The following MARCO variants were observed in gnomAD, a reference collection of about 807,000 sequenced individuals.
The protein encoded by MARCO is macrophage receptor with collagenous structure.
In MARCO, 72 loss-of-function variants were observed where a neutral mutation model predicts 70.0. The ratio of observed to expected loss-of-function variants is 1.03; its 90% CI spans 0.85 to 1.25. The LOEUF (loss-of-function observed/expected upper bound fraction) is 1.25. Ranked by LOEUF, MARCO falls within the 50% of genes most tolerant of loss-of-function variation. The pLI is 0.00. For missense variants in MARCO, 696 were observed against 659.3 expected, an observed-to-expected ratio of 1.06 and a Z score of -0.61; for synonymous variants, 273 against 243.1, an observed-to-expected ratio of 1.12 and a Z score of -1.14.
At chr2:118,954,441 A>G (rs560643309) in intron 1 of MARCO, among the ~76,000 whole-genome samples, 2 of 152,288 alleles carry the variant, frequency 1.3e-5, no homozygotes, top group African/African-American at 4.8e-5. Flanking sequence ...CTGAGATCAT[A>G]CATGCCTAGT....
intron 8 of MARCO, among the ~76,000 whole-genome samples, chr2:118,981,124 T>C (rs866412461): frequency 3.9e-5 from 6 of 152,214 alleles, no homozygotes; most frequent in African/African-American, 1.2e-4. Context: ...CAGACAGTGC[T>C]GGCTGAGCCT....
In MARCO at chr2:118,990,562, C is replaced by T. The variant is rs750659123; in HGVS notation, c.1064-27C>T. 30 of 1,496,572 alleles carry T rather than the reference C, an allele frequency of 2.0e-5. No individual in the cohort carries two copies. The South Asian group carries it at 2.9e-4, about 15-fold the overall frequency. The allele number at this position is 1,496,572 out of a possible 1,614,324, so 92.7% of individuals were successfully genotyped here. A position where few individuals can be genotyped will look rare whatever the true frequency, so the allele number is the denominator to read the frequency against. ...ATACCTAAGTTTTATTATCTCCTCC[C>T]CCCCCCCTTTTTTGTTTTGATCTTA... On this transcript the variant is annotated intron_variant, in intron 12 of 16. Transcript: ENST00000327097.
chr2:118,952,608 C>T (rs909231234), intron 1 of MARCO: 1 of 152,190 alleles, frequency 6.6e-6, no homozygotes, highest in South Asian at 2.1e-4. Flanking sequence ...GTGGCTTTGC[C>T]TTCCTTGGTC....
chr2:118,961,688 A>G (rs1001638875), intron 1 of MARCO, among the ~76,000 whole-genome samples: 1 of 152,130 alleles, frequency 6.6e-6, no homozygotes, highest in African/African-American at 2.4e-5. Context: ...CTCTGATGAT[A>G]GTGTCTTTTG....
chr2:118,986,288 G>A (rs1027188408), intron 12 of MARCO, among the ~76,000 whole-genome samples: 1 of 152,062 alleles, frequency 6.6e-6, no homozygotes, highest in Non-Finnish European at 1.5e-5. Context: ...TAGCCTCCAA[G>A]TTGGCATGGT....
Position 118,981,412 on chromosome 2 carries a change from G to A in MARCO, c.770G>A (p.Ser257Asn). 6.2e-7 allele frequency: 1 copy of A among 1,600,624 alleles called. No homozygotes were observed. Among genetic ancestry groups the A allele is most frequent in the Middle Eastern group, 1.8e-4 (1 of 5,598 alleles). The part of the protein sequence containing the change: ...GEKGDLGLPG[S>N]KGDRGMKGDA... ...CCAAGACTTTTTGGTTTTTCAGGAA[G>A]CAAAGGGGACAGGGGCATGAAAGGA... Residue 257 changes from serine (S) to asparagine (N), a missense_variant, in exon 9 of 17, where the codon AGC becomes AAC. Ser to Asn is a conservative substitution (Grantham distance 46, BLOSUM62 1). Transcript: ENST00000327097.
chr2:118,990,147 G>C (rs551164809), intron 12 of MARCO, among the ~76,000 whole-genome samples: 38 of 152,338 alleles, frequency 2.5e-4, no homozygotes, highest in African/African-American at 8.7e-4. Context: ...TACTTGAAGA[G>C]CATCTACTAT....
intron 1 of MARCO, among the ~76,000 whole-genome samples, chr2:118,958,865 A>T (rs1310295909): frequency 1.3e-5 from 2 of 149,062 alleles, no homozygotes; most frequent in Non-Finnish European, 3.0e-5. Flanking sequence ...TACTTAAAGC[A>T]AACAAAAATA....
intron 15 of MARCO, among the ~76,000 whole-genome samples, 191 bp downstream of exon 15, chr2:118,992,667 C>T (rs374981007): frequency 6.6e-6 from 1 of 151,410 alleles, no homozygotes; most frequent in African/African-American, 2.4e-5. Flanking sequence ...GCCACTCTCT[C>T]CCTTCCTTCC....
chr2:118,980,889 A>G (rs1212604058), intron 8 of MARCO, among the ~76,000 whole-genome samples: 1 of 152,130 alleles, frequency 6.6e-6, no homozygotes, highest in Non-Finnish European at 1.5e-5. Flanking sequence ...ACAGGCTAGG[A>G]TGAGCTCTGA....
At chr2:118,963,191 G>C (rs1679980942) in intron 1 of MARCO, among the ~76,000 whole-genome samples, 4 of 151,366 alleles carry the variant, frequency 2.6e-5, no homozygotes, top group African/African-American at 9.7e-5. Flanking sequence ...TTAGTGTGTT[G>C]ATTGGAGGCC....
chr2:118,949,827 C>G (rs550199533), intron 1 of MARCO: 33 of 152,260 alleles, frequency 2.2e-4, no homozygotes, highest in African/African-American at 7.9e-4. Flanking sequence ...AAGGCTGGCC[C>G]GAGTTTCCCT....
At chr2:118,987,769 G>A (rs1333709965) in intron 12 of MARCO, among the ~76,000 whole-genome samples, 4 of 152,208 alleles carry the variant, frequency 2.6e-5, no homozygotes, top group Non-Finnish European at 5.9e-5. Flanking sequence ...CAGTGACTCC[G>A]GTGGGACCTA....
At chr2:118,989,700 C>G (rs1463367387) in intron 12 of MARCO, among the ~76,000 whole-genome samples, 1 of 152,226 alleles carries the variant, frequency 6.6e-6, no homozygotes, top group Non-Finnish European at 1.5e-5. Context: ...GTTGACTGAG[C>G]TCCATGCTTG....
Position 118,991,761 on chromosome 2 carries a change from G to A in MARCO, c.1109-16G>A, listed in dbSNP as rs1222769594. On this transcript the variant is annotated splice_polypyrimidine_tract_variant and intron_variant, in intron 13 of 16. Transcript: ENST00000327097. ...CAAAGCAGGGCACCTGATCAGGGCA[G>A]TGTCTCTCCTTCCAGGCCCTGCAGG... The A allele has an allele frequency of 5.2e-6, 8 of 1,527,026 alleles. No homozygotes were observed. The highest frequency in any genetic ancestry group is 7.1e-6 in the Non-Finnish European group (8 of 1,122,916). 94.6% of individuals were successfully genotyped at this position (1,527,026 alleles called of 1,614,324 possible).
At chr2:118,962,921 T>C (rs1679976676) in intron 1 of MARCO, among the ~76,000 whole-genome samples, 1 of 152,024 alleles carries the variant, frequency 6.6e-6, no homozygotes, top group Admixed American at 6.5e-5. Flanking sequence ...TTCTTTTTAA[T>C]GGCTGCAGGA....
chr2:118,990,569 C>CT lies in MARCO; in HGVS notation c.1064-14dup, dbSNP rs1412467424. The CT allele has an allele frequency of 3.7e-5, 53 of 1,415,802 alleles. No homozygotes were observed. Among genetic ancestry groups the CT allele is most frequent in the South Asian group, 1.2e-4 (10 of 84,012 alleles). The allele number at this position is 1,415,802 out of a possible 1,614,324, so 87.7% of individuals were successfully genotyped here. ...AGTTTTATTATCTCCTCCCCCCCCC[C>CT]TTTTTTGTTTTGATCTTAGGACTTC... On this transcript the variant is annotated intron_variant, in intron 12 of 16. Transcript: ENST00000327097.
At chr2:118,942,432 G>A in intron 1 of MARCO, 35 bp downstream of exon 1, 1 of 1,487,588 alleles carries the variant, frequency 6.7e-7, no homozygotes, top group Non-Finnish European at 9.4e-7. Context: ...GAAATGACCA[G>A]AAATGTAGTC....
rs979311550 is a variant in MARCO, at chr2:118,982,239, T to C, written c.985T>C (p.Ser329Pro). Residue 329 changes from serine to proline, a missense_variant, in exon 11 of 17, where the codon TCC becomes CCC. By Grantham distance (74) the Ser-to-Pro change is moderately conservative. Transcript: ENST00000327097. ...GAKGEPGSAGSPGRAGLPGSP... is the reference protein window; with the variant it reads ...GAKGEPGSAGPPGRAGLPGSP... ...CAAGGGTGAGCCTGGCAGTGCTGGC[T>C]CCCCTGGGCGAGCAGGTGAGGTCCT... is the stretch of plus-strand genomic sequence containing the variant. The C allele has an allele frequency of 1.2e-6, 2 of 1,612,694 alleles. No homozygotes were observed. The highest frequency in any genetic ancestry group is 1.7e-6 in the Non-Finnish European group (2 of 1,179,038).
Sources: allele counts gnomAD v4.1 joint callset (sites outside exome capture counted in the v4.1 genomes callset), GRCh38; gene constraint gnomAD v4.1.1; transcripts MANE v1.5; gene names NCBI Gene and HGNC (gene_info 2026-07-23, HGNC 2026-07-21).